Variants in KDM4C observed in about 807,000 individuals in gnomAD.
KDM4C encodes lysine-specific demethylase 4C.
Under a neutral mutation model 129.3 loss-of-function variants are expected in KDM4C, and 81 were observed. The ratio of observed to expected loss-of-function variants is 0.63; its 90% CI spans 0.52 to 0.75. The LOEUF is 0.75. Among genes scored for constraint, KDM4C ranks in the 30% least tolerant of loss-of-function variants. KDM4C has a pLI of 0.00. For synonymous variants in KDM4C, 573 were observed against 456.1 expected (o/e 1.26, Z -3.26); for missense variants, 1,457 against 1,304.0 (o/e 1.12, Z -1.81).
intron 19 of KDM4C, among the ~76,000 whole-genome samples, chr9:7,144,678 TCCTGGCGTGGAGCACCA>T (rs1438288095): frequency 1.3e-5 from 2 of 152,262 alleles, no homozygotes; most frequent in Non-Finnish European, 2.9e-5. Context: ...TTTCCCGGAT[TCCTGGCGTGGAGCACCA>T]CCTGTGTGGT....
At chr9:6,776,818 G>A (rs1164606305) in intron 1 of KDM4C, among the ~76,000 whole-genome samples, 1 of 145,160 alleles carries the variant, frequency 6.9e-6, no homozygotes. Context: ...TTGGCCAGTG[G>A]GTCTCAAACT....
intron 5 of KDM4C, among the ~76,000 whole-genome samples, chr9:6,859,819 C>T (rs556157536): frequency 2.7e-5 from 4 of 147,800 alleles, no homozygotes; most frequent in African/African-American, 7.5e-5. Context: ...AAGCCGAGAT[C>T]GTGCCACTGC....
chr9:6,967,213 C>G (rs991749135), intron 8 of KDM4C, among the ~76,000 whole-genome samples: 1 of 152,066 alleles, frequency 6.6e-6, no homozygotes, highest in Non-Finnish European at 1.5e-5. Flanking sequence ...CACTTGAGGT[C>G]AGGAGTTCAA....
At chr9:6,805,511 C>A in intron 2 of KDM4C, 88 bp from the exon 3 acceptor site, 13 of 628,518 alleles carry the variant, frequency 2.1e-5, no homozygotes, top group African/African-American at 4.0e-5. Flanking sequence ...CTGAGAAATT[C>A]TTCAGTTGTA....
rs1491581614 is a variant in KDM4C, at chr9:7,068,682, C to CTCTCTTTTTTTTTTTTTTTTTTTT, written c.2424+19483_2424+19484insCTCTTTTTTTTTTTTTTTTTTTTT. Among the ~76,000 whole-genome samples the CTCTCTTTTTTTTTTTTTTTTTTTT allele has an allele frequency of 2.0e-4, 18 of 88,534 alleles. 7 individuals carry two copies. The highest frequency in any genetic ancestry group is 1.3e-4 in the African/African-American group (3 of 22,402). The allele number at this position is 88,534 out of a possible 152,430, so 58.1% of individuals were successfully genotyped here. A position where few individuals can be genotyped will look rare whatever the true frequency, so the allele number is the denominator to read the frequency against. On this transcript the variant is annotated intron_variant, in intron 17 of 21. Coordinates refer to ENST00000381309, the MANE Select transcript of KDM4C (RefSeq NM_015061.6). ...CTATTTCATACATGTTTATGATGCC[C>CTCTCTTTTTTTTTTTTTTTTTTTT]TTTCTTTTTTTTTTTTTTTTTTTTT...
chr9:6,972,821 C>T (rs1832230564), intron 8 of KDM4C, among the ~76,000 whole-genome samples: 1 of 152,160 alleles, frequency 6.6e-6, no homozygotes, highest in South Asian at 2.1e-4. Flanking sequence ...AGAAATGTTT[C>T]CCCATATTCT....
intron 17 of KDM4C, among the ~76,000 whole-genome samples, chr9:7,087,297 A>G (rs1294370469): frequency 1.3e-5 from 2 of 152,054 alleles, no homozygotes; most frequent in East Asian, 1.9e-4. Flanking sequence ...AAAAAGAAAA[A>G]TATAATTAAA....
chr9:6,728,246 G>C (rs1817207059), intron 1 of KDM4C, among the ~76,000 whole-genome samples: 1 of 152,154 alleles, frequency 6.6e-6, no homozygotes, highest in South Asian at 2.1e-4. Context: ...TAAAAACCAA[G>C]TATTCTTGGC....
At chr9:7,025,844 A>T (rs866950805) in intron 15 of KDM4C, among the ~76,000 whole-genome samples, 1 of 152,142 alleles carries the variant, frequency 6.6e-6, no homozygotes, top group South Asian at 2.1e-4. Flanking sequence ...TGTACTTACT[A>T]TTACCAGTGA....
intron 1 of KDM4C, chr9:6,748,761 A>G (rs772754944): frequency 1.4e-6 from 2 of 1,469,760 alleles, no homozygotes; most frequent in South Asian, 2.3e-5. Flanking sequence ...GATCCGACCC[A>G]GTTGTTTTCT....
At chr9:6,992,221 A>G (rs912206) in intron 12 of KDM4C, among the ~76,000 whole-genome samples, 40,631 of 152,110 alleles carry the variant, frequency 0.27, 5,961 homozygotes, top group Non-Finnish European at 0.32. Flanking sequence ...ACATAGAGAA[A>G]GCTGCTTTCT....
chr9:6,772,406 G>C (rs1487246628), intron 1 of KDM4C, among the ~76,000 whole-genome samples: 1 of 152,088 alleles, frequency 6.6e-6, no homozygotes, highest in African/African-American at 2.4e-5. Flanking sequence ...TTGTTGCCCA[G>C]GCTGGAGTGC....
chr9:6,900,390 T>C (rs1186009309), intron 8 of KDM4C, among the ~76,000 whole-genome samples: 4 of 152,266 alleles, frequency 2.6e-5, no homozygotes, highest in African/African-American at 9.6e-5. Flanking sequence ...AGATTCAGAA[T>C]GGTCTTGTCC....
chr9:7,034,963 T>C (rs1008123310), intron 15 of KDM4C, among the ~76,000 whole-genome samples: 22 of 152,214 alleles, frequency 1.4e-4, no homozygotes, highest in Non-Finnish European at 3.1e-4. Flanking sequence ...TCCATTTGTA[T>C]GTATTTTGTG....
intron 19 of KDM4C, among the ~76,000 whole-genome samples, chr9:7,146,238 G>A (rs1280439866): frequency 6.6e-6 from 1 of 152,166 alleles, no homozygotes; most frequent in East Asian, 1.9e-4. Flanking sequence ...AAATGTTACT[G>A]ATTATCTTTG....
intron 5 of KDM4C, among the ~76,000 whole-genome samples, chr9:6,867,969 G>A (rs2130605371): frequency 6.6e-6 from 1 of 152,208 alleles, no homozygotes. Flanking sequence ...TCTGTGATAG[G>A]TCCCTACTTT....
At chr9:6,988,357 T>C (rs1818110693) in intron 11 of KDM4C, among the ~76,000 whole-genome samples, 1 of 152,026 alleles carries the variant, frequency 6.6e-6, no homozygotes, top group African/African-American at 2.4e-5. Context: ...TCAAGGAAGG[T>C]GATTATAGAT....
At chr9:7,092,630 C>G (rs532637617) in intron 17 of KDM4C, among the ~76,000 whole-genome samples, 3 of 152,156 alleles carry the variant, frequency 2.0e-5, no homozygotes, top group African/African-American at 7.2e-5. Flanking sequence ...CTGGGCACTT[C>G]TTCTGTGGGC....
At position 6,896,505 on chromosome 9, in the gene KDM4C, G is replaced by T. The variant is rs146528020; in HGVS notation, c.921+3273G>T. On this transcript the variant is annotated intron_variant, in intron 8 of 21. Transcript: ENST00000381309. ...TATATATATAAAAATATAATTTTGT[G>T]TAATACAAACCAGTATTTTTAATTA... is the stretch of plus-strand genomic sequence containing the variant. Among the ~76,000 whole-genome samples, 1,426 of 151,178 alleles carry T rather than the reference G, an allele frequency of 9.4e-3. 65 individuals are homozygous for T. The highest frequency in any genetic ancestry group is 0.08 in the Admixed American group (1,214 of 15,176).
Sources: gnomAD v4.1 joint callset for allele counts (sites outside exome capture counted in the v4.1 genomes callset) on GRCh38, gnomAD v4.1.1 for gene constraint, MANE v1.5 for transcripts, NCBI Gene and HGNC (gene_info 2026-07-23, HGNC 2026-07-21) for gene names.